TTC23L: variants seen among roughly 807,000 people sequenced by gnomAD.
TTC23L encodes the protein tetratricopeptide repeat protein 23-like.
In TTC23L, 42 loss-of-function variants were observed where a neutral mutation model predicts 48.1. That is an observed-to-expected ratio of 0.87 (90% confidence interval 0.68 to 1.13). The LOEUF (loss-of-function observed/expected upper bound fraction) is 1.13, where lower values mean the gene tolerates loss of function less well. TTC23L is among the 50% of genes most tolerant of loss of function. The pLI is 0.00. For synonymous variants in TTC23L, 159 were observed against 157.2 expected, an observed-to-expected ratio of 1.01 and a Z score of -0.09; for missense variants, 391 against 421.0, an observed-to-expected ratio of 0.93 and a Z score of 0.62.
intron 8 of TTC23L, among the ~76,000 whole-genome samples, chr5:34,871,631 T>G (rs1327069724): frequency 1.3e-5 from 2 of 152,214 alleles, no homozygotes; most frequent in Non-Finnish European, 2.9e-5. Context: ...GGAATCATAG[T>G]ACTTGATTTT....
intron 8 of TTC23L, among the ~76,000 whole-genome samples, chr5:34,875,769 C>A: frequency 1.3e-5 from 2 of 152,272 alleles, no homozygotes; most frequent in East Asian, 3.9e-4. Flanking sequence ...TCAAATTCAA[C>A]AGCACCATCA....
the TTC23L span, among the ~76,000 whole-genome samples, chr5:34,904,511 T>C: frequency 1.6e-4 from 24 of 151,612 alleles, no homozygotes; most frequent in Non-Finnish European, 2.7e-4. Context: ...GGAGAACCGC[T>C]TGAACCTGGG....
At position 34,871,406 on chromosome 5, in the gene TTC23L, TA is replaced by T. The variant is rs558998124; in HGVS notation, c.949+2396del. Among the ~76,000 whole-genome samples, 12 of 152,200 alleles carry T rather than the reference TA, an allele frequency of 7.9e-5. No individual in the cohort carries two copies. In the South Asian group the frequency reaches 2.5e-3, roughly 32 times the overall value. ...AAACTACAAAACTGATGAAAGAAAT[TA>T]AATATGACCTAAATAAATACACATA... On this transcript the variant is annotated intron_variant, in intron 8 of 10. Coordinates refer to ENST00000505624, the Ensembl canonical transcript of TTC23L.
chr5:34,900,499 CA>C (rs766643483), downstream of TTC23L, among the ~76,000 whole-genome samples: 152 of 115,918 alleles, frequency 1.3e-3, no homozygotes, highest in African/African-American at 1.4e-3. Context: ...AGACCCTGTT[CA>C]AAAAAAAAAA....
At chr5:34,920,753 G>C in the TTC23L span, 1 of 152,100 alleles carries the variant, frequency 6.6e-6, no homozygotes, top group South Asian at 2.1e-4. Context: ...AGAGAAAATG[G>C]CAACTACAAA....
At position 34,898,332 on chromosome 5, in the gene TTC23L, T is replaced by G. The variant is rs1039966469; in HGVS notation, c.*98-1058T>G. Among the ~76,000 whole-genome samples, 25 of 152,184 alleles carry G rather than the reference T, an allele frequency of 1.6e-4. 1 individual carries two copies. The highest frequency in any genetic ancestry group is 1.5e-5 in the Non-Finnish European group (1 of 68,038). On this transcript the variant is annotated intron_variant, in intron 10 of 10. Coordinates refer to ENST00000505624, the Ensembl canonical transcript of TTC23L. Reference sequence around the variant, plus strand: ...TTAACATCTCGAAAAAGATATAGACTTATCAGGTTCTGGAAACACTGTTAG... The same window carrying G: ...TTAACATCTCGAAAAAGATATAGACGTATCAGGTTCTGGAAACACTGTTAG...
chr5:34,853,905 G>A (rs1210610610), intron 4 of TTC23L, among the ~76,000 whole-genome samples: 2 of 152,202 alleles, frequency 1.3e-5, no homozygotes, highest in African/African-American at 2.4e-5. Flanking sequence ...GAACTGAAGA[G>A]GAAGGCATTT....
At chr5:34,898,144 A>G (rs1368583550) in intron 10 of TTC23L, among the ~76,000 whole-genome samples, 1 of 152,224 alleles carries the variant, frequency 6.6e-6, no homozygotes. Context: ...GCCTGGCCCC[A>G]TAGTAATCAT....
At chr5:34,840,246 G>GC (rs1054742613) in intron 1 of TTC23L, among the ~76,000 whole-genome samples, 4 of 142,488 alleles carry the variant, frequency 2.8e-5, no homozygotes, top group Non-Finnish European at 6.1e-5. Flanking sequence ...CCGGGGGGGG[G>GC]GGGGAAAGCA....
chr5:34,918,198 CTACTG>C, the TTC23L span: 4 of 458,522 alleles, frequency 8.7e-6, no homozygotes, highest in African/African-American at 8.2e-5. Context: ...TAGTCTCCAG[CTACTG>C]TAGATGCTGG....
At chr5:34,868,628 A>AC in intron 7 of TTC23L, 1 of 282,734 alleles carries the variant, frequency 3.5e-6, no homozygotes, top group Non-Finnish European at 6.9e-6. Flanking sequence ...TATTTTTGCT[A>AC]TGAAATCTAA....
chr5:34,845,655 G>C, exon 3 of TTC23L: 1 of 1,602,380 alleles, frequency 6.2e-7, no homozygotes, highest in Non-Finnish European at 8.5e-7. Context: ...AAGTAGCTCA[G>C]CTGATTAAGG....
chr5:34,890,908 G>A (rs1762829995), intron 9 of TTC23L, among the ~76,000 whole-genome samples: 1 of 152,242 alleles, frequency 6.6e-6, no homozygotes, highest in Non-Finnish European at 1.5e-5. Flanking sequence ...AGGATTGCCT[G>A]GATTTAAAAC....
intron 1 of TTC23L, among the ~76,000 whole-genome samples, chr5:34,840,250 G>GT (rs1554016490): frequency 5.5e-5 from 6 of 108,260 alleles, no homozygotes; most frequent in Non-Finnish European, 1.3e-4. Flanking sequence ...GGGGGGGGGG[G>GT]AAAGCAGAAT....
At chr5:34,853,830 A>G (rs1411136571) in intron 4 of TTC23L, among the ~76,000 whole-genome samples, 1 of 152,130 alleles carries the variant, frequency 6.6e-6, no homozygotes, top group Non-Finnish European at 1.5e-5. Context: ...GCCCTGGGAG[A>G]GCCCAGATTC....
chr5:34,912,163 G>C, the TTC23L span, among the ~76,000 whole-genome samples: 3 of 152,200 alleles, frequency 2.0e-5, no homozygotes, highest in Non-Finnish European at 4.4e-5. Context: ...CTGCAGAACA[G>C]GGTATGCTAT....
chr5:34,913,257 TA>T, the TTC23L span, among the ~76,000 whole-genome samples: 23 of 149,616 alleles, frequency 1.5e-4, no homozygotes, highest in African/African-American at 3.9e-4. Flanking sequence ...CCTTGTAAAT[TA>T]AAAAAAAAAT....
intron 4 of TTC23L, among the ~76,000 whole-genome samples, chr5:34,858,844 T>A (rs1441101044): frequency 6.6e-6 from 1 of 152,188 alleles, no homozygotes; most frequent in Non-Finnish European, 1.5e-5. Context: ...TTGTTTTAAA[T>A]CAAGATCCTT....
intron 9 of TTC23L, among the ~76,000 whole-genome samples, chr5:34,886,017 G>T (rs752539544): frequency 6.6e-5 from 10 of 152,002 alleles, no homozygotes; most frequent in Non-Finnish European, 1.3e-4. Context: ...AAGAGTGAGG[G>T]CTGTGGAATT....
Sources: allele counts gnomAD v4.1 joint callset (sites outside exome capture counted in the v4.1 genomes callset), GRCh38; gene constraint gnomAD v4.1.1; transcripts MANE v1.5; gene names NCBI Gene and HGNC (gene_info 2026-07-23, HGNC 2026-07-21).